Variants in DDR1 observed in about 807,000 individuals in gnomAD.
DDR1 encodes discoidin domain receptor tyrosine kinase 1.
DDR1 carries 64 observed loss-of-function variants against 97.4 expected under a neutral mutation model. The ratio of observed to expected loss-of-function variants is 0.66; its 90% CI spans 0.54 to 0.81. The LOEUF is 0.81. DDR1 is among the 30% of genes least tolerant of loss of function. The pLI, the probability that DDR1 is intolerant of heterozygous loss-of-function variation, is 0.00. For synonymous variants in DDR1, 458 were observed against 503.7 expected (o/e 0.91, Z 1.21); for missense variants, 990 against 1,259.6 (o/e 0.79, Z 3.24).
At chr6:30,885,200 A>C in intron 1 of DDR1, 2 of 1,532,910 alleles carry the variant, frequency 1.3e-6, no homozygotes, top group Non-Finnish European at 1.7e-6. Flanking sequence ...TGGATGGTCA[A>C]TTAGCTCTGG....
At chr6:30,892,875 C>T (rs938695158) in intron 8 of DDR1, 193 bp from the exon 9 acceptor site, 4 of 609,456 alleles carry the variant, frequency 6.6e-6, no homozygotes, top group Non-Finnish European at 1.1e-5. Context: ...CCCCACAATC[C>T]AGCAACTATA....
At position 30,892,014 on chromosome 6, in the gene DDR1, GGGTCT is replaced by G. The variant is rs1562386478; in HGVS notation, c.681_685del (p.Leu228ProfsTer11). 2.5e-6 allele frequency: 4 copies of G among 1,614,078 alleles called. No homozygotes were observed. Among genetic ancestry groups the G allele is most frequent in the Non-Finnish European group, 3.4e-6 (4 of 1,179,986 alleles). ...CCCTCTTCTCCAGACTGCAGTATGG[GGGTCT>G]GGGCCAGCTGGCAGATGGTGTGGTG... On this transcript the variant is annotated frameshift_variant, in exon 7 of 18. Coordinates refer to ENST00000376568, the MANE Select transcript of DDR1 (RefSeq NM_001297654.2). LOFTEE classifies it high-confidence loss of function.
Position 30,894,405 on chromosome 6 carries a change from T to C in DDR1, c.1348-101T>C. 5.0e-6 allele frequency: 6 copies of C among 1,190,922 alleles called. No homozygotes were observed. The highest frequency in any genetic ancestry group is 6.9e-6 in the Non-Finnish European group (6 of 865,082). The allele number at this position is 1,190,922 out of a possible 1,614,324, so 73.8% of individuals were successfully genotyped here. A position where few individuals can be genotyped will look rare whatever the true frequency, so the allele number is the denominator to read the frequency against. ...CTGATAGTATCCACAGCTGTAGGGCTCTTGTGAGGGCTGAGGGAGGGAACG... is the reference window on the plus strand; with the variant it reads ...CTGATAGTATCCACAGCTGTAGGGCCCTTGTGAGGGCTGAGGGAGGGAACG... On this transcript the variant is annotated intron_variant, in intron 10 of 17. Transcript: ENST00000376568. This position sits in a 1 kb window ranked among gnomAD's most constrained non-coding sequence, Gnocchi z 5.7.
At chr6:30,881,632 T>C (rs780488694), upstream of DDR1, among the ~76,000 whole-genome samples, 2 of 152,180 alleles carry the variant, frequency 1.3e-5, no homozygotes, top group Non-Finnish European at 2.9e-5. Flanking sequence ...TTTCCAACAC[T>C]GTTTCCTTCC....
At position 30,899,245 on chromosome 6, in the gene DDR1, C is replaced by G. The variant is rs952021149; in HGVS notation, c.2691C>G (p.Pro897=). Residue 897 remains proline, a synonymous_variant, in exon 18 of 18, where the codon CCC becomes CCG. Transcript: ENST00000376568. ...CWSRESEQRP[P]FSQLHRFLAE... ...GCCGGGAGTCTGAGCAGCGACCACC[C>G]TTTTCCCAGCTGCATCGGTTCCTGG... 3 of 1,614,006 alleles carry G rather than the reference C, an allele frequency of 1.9e-6. No individual in the cohort carries two copies. Among genetic ancestry groups the G allele is most frequent in the Non-Finnish European group, 2.5e-6 (3 of 1,179,988 alleles).
At chr6:30,895,566 G>C (rs755174313) in intron 12 of DDR1, 52 bp downstream of exon 12, 1 of 1,185,098 alleles carries the variant, frequency 8.4e-7, no homozygotes, top group Admixed American at 2.1e-5. Flanking sequence ...CTCTACTGGG[G>C]CAGGGAAAAG....
chr6:30,895,948 A>G (rs1298812020), intron 12 of DDR1, among the ~76,000 whole-genome samples: 1 of 151,630 alleles, frequency 6.6e-6, no homozygotes, highest in Non-Finnish European at 1.5e-5. Flanking sequence ...TCATGCCCCA[A>G]CCCTTTCCAT....
Position 30,893,434 on chromosome 6 carries a change from C to A in DDR1, c.1347+11C>A. Reference sequence around the variant, plus strand: ...AGGCTCCTCAGCAAGGTGGGCACAGCCGTGGCATGTGGAGTGGCGGGGGGA... The same window carrying A: ...AGGCTCCTCAGCAAGGTGGGCACAGACGTGGCATGTGGAGTGGCGGGGGGA... On this transcript the variant is annotated intron_variant, in intron 10 of 17. Transcript: ENST00000376568. The A allele has an allele frequency of 6.3e-7, 1 of 1,599,290 alleles. No individual in the cohort carries two copies. The highest frequency in any genetic ancestry group is 1.7e-5 in the Admixed American group (1 of 59,768).
chr6:30,889,556 A>G lies in DDR1; in HGVS notation c.417+126A>G. The stretch of plus-strand genomic sequence containing the variant: ...ATCTCCAGACTAAGCCTCTCAGCTG[A>G]GCTCCAAACAATATTGTAAACCTGG... On this transcript the variant is annotated intron_variant, in intron 4 of 17. Coordinates refer to ENST00000376568, the MANE Select transcript of DDR1 (RefSeq NM_001297654.2). This position sits in a 1 kb window ranked among gnomAD's most constrained non-coding sequence, Gnocchi z 4.9. 1 of 666,926 alleles carries G rather than the reference A, an allele frequency of 1.5e-6. No individual in the cohort carries two copies. The highest frequency in any genetic ancestry group is 2.3e-6 in the Non-Finnish European group (1 of 425,848). 41.3% of individuals were successfully genotyped at this position (666,926 alleles called of 1,614,324 possible).
Position 30,886,797 on chromosome 6 carries a change from C to T in DDR1, c.-42-1891C>T, listed in dbSNP as rs547986913. ...GTCGAGTCCCTCAGGACTCCAGGGC[C>T]TGGAGACTTCAGTACAGGGCTCTGA... On this transcript the variant is annotated intron_variant, in intron 1 of 17. Transcript: ENST00000376568. The surrounding 1 kb of genome is among the most constrained non-coding windows in gnomAD (Gnocchi z 4.6). 1.5e-4 allele frequency: 23 copies of T among 152,350 alleles called. No individual in the cohort carries two copies. In the South Asian group the frequency reaches 3.5e-3, roughly 23 times the overall value. 9.4% of individuals were successfully genotyped at this position (152,350 alleles called of 1,614,324 possible). A position where few individuals can be genotyped will look rare whatever the true frequency, so the allele number is the denominator to read the frequency against.
At chr6:30,898,381 C>A in intron 16 of DDR1, 74 bp downstream of exon 16, 1 of 1,072,370 alleles carries the variant, frequency 9.3e-7, no homozygotes. Flanking sequence ...CAGCCCTGGT[C>A]TCCATCAGTC....
rs1456304514 is a variant in DDR1 at position 30,899,918 on chromosome 6, G to C, written c.*622G>C. 5 of 525,346 alleles carry C rather than the reference G, an allele frequency of 9.5e-6. No individual in the cohort carries two copies. Among genetic ancestry groups the C allele is most frequent in the Admixed American group, 2.2e-5 (1 of 45,140 alleles). 32.5% of individuals were successfully genotyped at this position (525,346 alleles called of 1,614,324 possible). ...AGTCTTGTAGCTAGAACTTCTCTAA[G>C]CCTATACGTTTCTGTGGAGTAAATA... On this transcript the variant is annotated 3_prime_UTR_variant, in exon 18 of 18. Transcript: ENST00000376568.
rs965460424 is a variant in DDR1, at chr6:30,897,241, A to G, written c.1997+100A>G. The G allele has an allele frequency of 2.6e-5, 39 of 1,485,038 alleles. No individual in the cohort carries two copies. The highest frequency in any genetic ancestry group is 3.5e-5 in the Non-Finnish European group (39 of 1,117,560). 92.0% of individuals were successfully genotyped at this position (1,485,038 alleles called of 1,614,324 possible). A position where few individuals can be genotyped will look rare whatever the true frequency, so the allele number is the denominator to read the frequency against. On this transcript the variant is annotated intron_variant, in intron 14 of 17. Coordinates refer to ENST00000376568, the MANE Select transcript of DDR1 (RefSeq NM_001297654.2). This position sits in a 1 kb window ranked among gnomAD's most constrained non-coding sequence, Gnocchi z 5.2. The stretch of plus-strand genomic sequence containing the variant: ...TGGCAGAGCCCAACAGAGGGGTGGC[A>G]TCTCTGGGAGGGGATTTACATGTAC...
Position 30,886,457 on chromosome 6 carries a change from G to A in DDR1, c.-43+1747G>A, listed in dbSNP as rs985324524. Among the ~76,000 whole-genome samples the A allele has an allele frequency of 6.6e-6, 1 of 152,134 alleles. No homozygotes were observed. The highest frequency in any genetic ancestry group is 1.5e-5 in the Non-Finnish European group (1 of 68,022). Reference sequence around the variant, plus strand: ...TCTGAGTGCCCCCCACAACTCAGTCGTCCCCCTCAGCTGCTGCTTCAGAGC... The same window carrying A: ...TCTGAGTGCCCCCCACAACTCAGTCATCCCCCTCAGCTGCTGCTTCAGAGC... On this transcript the variant is annotated intron_variant, in intron 1 of 17. Transcript: ENST00000376568. This position sits in a 1 kb window ranked among gnomAD's most constrained non-coding sequence, Gnocchi z 4.6.
At position 30,899,303 on chromosome 6, in the gene DDR1, C is replaced by T. The variant is rs749188242; in HGVS notation, c.*7C>T. On this transcript the variant is annotated 3_prime_UTR_variant, in exon 18 of 18. Transcript: ENST00000376568. ...TGCACTCAACACGGTGTGAATCACACATCCAGCTGCCCCTCCCTCAGGGAG... is the reference window on the plus strand; with the variant it reads ...TGCACTCAACACGGTGTGAATCACATATCCAGCTGCCCCTCCCTCAGGGAG... The T allele has an allele frequency of 6.9e-6, 11 of 1,601,604 alleles. No individual in the cohort carries two copies. In the Middle Eastern group the frequency reaches 1.3e-3, roughly 195 times the overall value.
chr6:30,891,902 C>A lies in DDR1; in HGVS notation c.666-100C>A. On this transcript the variant is annotated intron_variant, in intron 6 of 17. Transcript: ENST00000376568. This position sits in a 1 kb window ranked among gnomAD's most constrained non-coding sequence, Gnocchi z 5.3. ...ATGGGACTAGTGGATGGGAGCCAGG[C>A]TGGCCATGCCACTGTGCCGGAGGGT... is the stretch of plus-strand genomic sequence containing the variant. 7.5e-7 allele frequency: 1 copy of A among 1,330,056 alleles called. No homozygotes were observed. The highest frequency in any genetic ancestry group is 1.1e-6 in the Non-Finnish European group (1 of 939,962). The allele number at this position is 1,330,056 out of a possible 1,614,324, so 82.4% of individuals were successfully genotyped here. A position where few individuals can be genotyped will look rare whatever the true frequency, so the allele number is the denominator to read the frequency against.
In DDR1 at chr6:30,891,553, G is replaced by GTT; in HGVS notation, c.665+75_665+76insTT. ...TGTGTGTGTGTGTGTGTGTGTGTGT[G>GTT]TGTGAGAGTGTGTGTGTGTAGGGGG... On this transcript the variant is annotated intron_variant, in intron 6 of 17. Transcript: ENST00000376568. The surrounding 1 kb of genome is among the most constrained non-coding windows in gnomAD (Gnocchi z 5.3). The GTT allele has an allele frequency of 1.0e-6, 1 of 955,620 alleles. No homozygotes were observed. The highest frequency in any genetic ancestry group is 1.6e-6 in the Non-Finnish European group (1 of 623,806). The allele number at this position is 955,620 out of a possible 1,614,324, so 59.2% of individuals were successfully genotyped here.
In DDR1 at chr6:30,894,085, A is replaced by C. The variant is rs182950159; in HGVS notation, c.1348-421A>C. Among the ~76,000 whole-genome samples, 358 of 152,282 alleles carry C rather than the reference A, an allele frequency of 2.4e-3. 5 individuals carry two copies. The highest frequency in any genetic ancestry group is 6.1e-3 in the African/African-American group (253 of 41,558). On this transcript the variant is annotated intron_variant, in intron 10 of 17. Transcript: ENST00000376568. This position sits in a 1 kb window ranked among gnomAD's most constrained non-coding sequence, Gnocchi z 5.7. ...ACCAACATGGTGAAATCCCATCTCT[A>C]CTAAGAATACAAAATTAGCCAGGCA... is the stretch of plus-strand genomic sequence containing the variant.
Position 30,896,758 on chromosome 6 carries a change from G to C in DDR1, c.1762G>C (p.Val588Leu). The change falls in exon 13 of 18, where the codon GTG (valine) becomes CTG (leucine). Residue 588 changes from valine to leucine, a missense_variant. Physicochemically the swap from Val to Leu is conservative, Grantham distance 32. Transcript: ENST00000376568. ...CGTCACCGGGGGCAACACCTATGCTGTGCCTGCACTGCCCCCAGGGGCAGT... is the reference window on the plus strand; with the variant it reads ...CGTCACCGGGGGCAACACCTATGCTCTGCCTGCACTGCCCCCAGGGGCAGT... Reference protein sequence around the residue: ...QGVTGGNTYAVPALPPGAVGD... With the variant: ...QGVTGGNTYALPALPPGAVGD... 6.3e-7 allele frequency: 1 copy of C among 1,589,448 alleles called. No individual in the cohort carries two copies. The highest frequency in any genetic ancestry group is 8.6e-7 in the Non-Finnish European group (1 of 1,166,530).
Sources: allele counts gnomAD v4.1 joint callset (sites outside exome capture counted in the v4.1 genomes callset), GRCh38; gene constraint gnomAD v4.1.1; non-coding constraint Gnocchi (gnomAD v3.1); transcripts MANE v1.5; gene names NCBI Gene and HGNC (gene_info 2026-07-23, HGNC 2026-07-21).